CPXCR1: variants seen among roughly 807,000 people sequenced by gnomAD.
CPXCR1 encodes the protein CPX chromosome region candidate 1.
CPXCR1 carries 15 observed loss-of-function variants against 13.8 expected under a neutral mutation model. The observed-to-expected ratio is 1.09, with a 90% CI of 0.73 to 1.67. CPXCR1 has a LOEUF of 1.67. CPXCR1 is among the 40% of genes most tolerant of loss of function. CPXCR1 has a pLI of 0.00. For missense variants in CPXCR1, 247 were observed against 223.6 expected, an observed-to-expected ratio of 1.10 and a Z score of -0.67; for synonymous variants, 70 against 76.7, an observed-to-expected ratio of 0.91 and a Z score of 0.46.
At position 88,754,460 on chromosome X, in the gene CPXCR1, T is replaced by A. The variant is rs1452014144; in HGVS notation, c.*140T>A. 3 of 414,921 alleles carry A rather than the reference T, an allele frequency of 7.2e-6. No homozygotes were observed. The highest frequency in any genetic ancestry group is 4.7e-5 in the Admixed American group (1 of 21,401). 34.2% of individuals were successfully genotyped at this position (414,921 alleles called of 1,213,427 possible). ...GAAAGGAACACAAACTAATAGTACC[T>A]CTCAGTAAGAAATACCTATGGGGAG... is the stretch of plus-strand genomic sequence containing the variant. On this transcript the variant is annotated 3_prime_UTR_variant, in exon 3 of 3. Transcript: ENST00000276127.
intron 2 of CPXCR1, among the ~76,000 whole-genome samples, chrX:88,752,633 G>T (rs766740677): frequency 9.1e-6 from 1 of 109,839 alleles, no homozygotes; most frequent in African/African-American, 3.3e-5. Context: ...TGCAACCTCT[G>T]CCTCCTGGGT....
chrX:88,751,613 T>C (rs1924920532), intron 2 of CPXCR1, among the ~76,000 whole-genome samples: 1 of 111,768 alleles, frequency 8.9e-6, no homozygotes, highest in South Asian at 3.7e-4. Context: ...TGAATATCCT[T>C]GTTAATTTTC....
chrX:88,752,836 C>T (rs996660290), intron 2 of CPXCR1, among the ~76,000 whole-genome samples: 26 of 111,318 alleles, frequency 2.3e-4, no homozygotes, highest in African/African-American at 3.6e-4. Context: ...CATGGGACAC[C>T]GCGCTTGGCC....
Position 88,749,415 on chromosome X carries a change from T to C in CPXCR1, c.-17T>C, listed in dbSNP as rs1334233877. 1.8e-5 allele frequency: 2 copies of C among 111,129 alleles called. No homozygotes were observed. The highest frequency in any genetic ancestry group is 3.8e-5 in the Non-Finnish European group (2 of 53,065). 9.2% of individuals were successfully genotyped at this position (111,129 alleles called of 1,213,427 possible). On this transcript the variant is annotated 5_prime_UTR_variant, in exon 2 of 3. Transcript: ENST00000276127. ...TGAGAAGCAGCCAGTCATACTATCC[T>C]CAAATTTTGTGAGTTCAATTTACTT...
chrX:88,752,131 G>C (rs1602840410), intron 2 of CPXCR1, among the ~76,000 whole-genome samples: 1 of 112,062 alleles, frequency 8.9e-6, no homozygotes. Context: ...AATTTCTCAA[G>C]TTGATTGTTC....
intron 1 of CPXCR1, among the ~76,000 whole-genome samples, chrX:88,748,430 A>G (rs887955208): frequency 9.1e-6 from 1 of 109,818 alleles, no homozygotes; most frequent in Non-Finnish European, 1.9e-5. Flanking sequence ...AAAACAGAAG[A>G]AAACAGCAGA....
intron 2 of CPXCR1, among the ~76,000 whole-genome samples, chrX:88,753,076 A>G (rs1320954576): frequency 9.0e-6 from 1 of 111,516 alleles, no homozygotes; most frequent in Non-Finnish European, 1.9e-5. Flanking sequence ...TCACCATCCA[A>G]AAGGAAATAA....
intron 2 of CPXCR1, 54 bp downstream of exon 2, chrX:88,749,477 T>A (rs929327945): frequency 9.0e-6 from 1 of 110,503 alleles, no homozygotes; most frequent in African/African-American, 3.3e-5. Flanking sequence ...CTCTGTCTAT[T>A]GTTTTACCTT....
intron 1 of CPXCR1, among the ~76,000 whole-genome samples, chrX:88,747,604 A>T (rs5984589): frequency 0.18 from 20,359 of 110,933 alleles, 1,723 homozygotes; most frequent in East Asian, 0.35. Flanking sequence ...AGTAAAACTA[A>T]CAAATTTGAA....
chrX:88,754,327 T>C lies in CPXCR1; in HGVS notation c.*7T>C. The C allele has an allele frequency of 9.8e-7, 1 of 1,022,061 alleles. No individual in the cohort carries two copies. Among genetic ancestry groups the C allele is most frequent in the African/African-American group, 1.9e-5 (1 of 52,657 alleles). The allele number at this position is 1,022,061 out of a possible 1,213,427, so 84.2% of individuals were successfully genotyped here. The stretch of plus-strand genomic sequence containing the variant: ...CAGCTCTTCTGGGAATTAAATTAAA[T>C]TGGGGTAAATTCATTTTAAAATATA... On this transcript the variant is annotated 3_prime_UTR_variant, in exon 3 of 3. Transcript: ENST00000276127.
intron 2 of CPXCR1, among the ~76,000 whole-genome samples, chrX:88,749,984 G>A (rs1285028106): frequency 1.8e-5 from 2 of 109,925 alleles, no homozygotes; most frequent in South Asian, 3.9e-4. Flanking sequence ...GAGCTGAGAC[G>A]ATGGAGTTTT....
chrX:88,747,440 T>C (rs951041406), intron 1 of CPXCR1, 71 bp downstream of exon 1: 3 of 112,554 alleles, frequency 2.7e-5, no homozygotes, highest in African/African-American at 9.7e-5. Context: ...TAGCTTTGGT[T>C]TCTTGATTTA....
Position 88,754,256 on chromosome X carries a change from G to A in CPXCR1, c.842G>A (p.Cys281Tyr). The A allele has an allele frequency of 8.5e-7, 1 of 1,176,113 alleles. No homozygotes were observed. Among genetic ancestry groups the A allele is most frequent in the Non-Finnish European group, 1.1e-6 (1 of 873,652 alleles). ...NNGWKYFCPI[C>Y]GRLFNTYSEL... ...GGTTGGAAATACTTTTGTCCCATCT[G>A]TGGAAGGCTTTTTAACACTTACTCT... The change falls in exon 3 of 3, where the codon TGT (cysteine) becomes TAT (tyrosine). Residue 281 changes from cysteine (C) to tyrosine (Y), a missense_variant. Coordinates refer to ENST00000276127, the MANE Select transcript of CPXCR1 (RefSeq NM_033048.6).
Position 88,754,136 on chromosome X carries a change from A to G in CPXCR1, c.722A>G (p.Gln241Arg). The change falls in exon 3 of 3, where the codon CAG (glutamine) becomes CGG (arginine). Residue 241 changes from glutamine (Q) to arginine (R), a missense_variant. Gln to Arg is a conservative substitution (Grantham distance 43). Coordinates refer to ENST00000276127, the MANE Select transcript of CPXCR1 (RefSeq NM_033048.6). ...GTGAGGTCTGTGCTCTTTGTGTCACAGATACAAATTGAAAGTATTTTTAAT... is the reference window on the plus strand; with the variant it reads ...GTGAGGTCTGTGCTCTTTGTGTCACGGATACAAATTGAAAGTATTTTTAAT... Reference protein sequence around the residue: ...AIVRSVLFVSQIQIESIFNIK... With the variant: ...AIVRSVLFVSRIQIESIFNIK... 1 of 1,198,323 alleles carries G rather than the reference A, an allele frequency of 8.3e-7. No individual in the cohort carries two copies. The highest frequency in any genetic ancestry group is 1.1e-6 in the Non-Finnish European group (1 of 885,090).
chrX:88,753,497 G>A lies in CPXCR1; in HGVS notation c.83G>A (p.Ser28Asn). 1.7e-6 allele frequency: 2 copies of A among 1,195,716 alleles called. No individual in the cohort carries two copies. Among genetic ancestry groups the A allele is most frequent in the Non-Finnish European group, 2.3e-6 (2 of 884,161 alleles). ...GAAAATGAGCCTCCTAATGACTGTA[G>A]TACAGACATAGAGTCTCCATCTGCT... The part of the protein sequence containing the change: ...NSENEPPNDC[S>N]TDIESPSADP... Residue 28 changes from serine (S) to asparagine (N), a missense_variant, in exon 3 of 3, where the codon AGT becomes AAT. Ser to Asn is a conservative substitution (Grantham distance 46). Coordinates refer to ENST00000276127, the MANE Select transcript of CPXCR1 (RefSeq NM_033048.6).
At chrX:88,748,589 G>T (rs941979071) in intron 1 of CPXCR1, among the ~76,000 whole-genome samples, 2 of 110,629 alleles carry the variant, frequency 1.8e-5, no homozygotes, top group African/African-American at 6.5e-5. Flanking sequence ...TAGCCTTCTT[G>T]TGCAATTCCA....
At chrX:88,752,867 G>A (rs1466352749) in intron 2 of CPXCR1, among the ~76,000 whole-genome samples, 1 of 111,448 alleles carries the variant, frequency 9.0e-6, no homozygotes, top group African/African-American at 3.3e-5. Context: ...TTTTAAAAAC[G>A]TAGGTTTTTA....
At chrX:88,752,046 A>G (rs1273435313) in intron 2 of CPXCR1, among the ~76,000 whole-genome samples, 2 of 112,153 alleles carry the variant, frequency 1.8e-5, no homozygotes, top group African/African-American at 6.5e-5. Context: ...ATTTCTTTTC[A>G]GCCCACTTGC....
Position 88,753,448 on chromosome X carries a change from G to A in CPXCR1, c.34G>A (p.Ala12Thr), listed in dbSNP as rs1049766844. The A allele has an allele frequency of 1.7e-6, 2 of 1,153,861 alleles. No individual in the cohort carries two copies. Among genetic ancestry groups the A allele is most frequent in the Non-Finnish European group, 2.3e-6 (2 of 866,449 alleles). The part of the protein sequence containing the change: ...SYPTKEGSDT[A>T]GNAHKNSENE... ...TCCTACTAAAGAAGGAAGTGATACA[G>A]CTGGAAATGCTCACAAAAATTCTGA... The change falls in exon 3 of 3, where the codon GCT (alanine) becomes ACT (threonine). Residue 12 changes from alanine to threonine, a missense_variant. Ala to Thr is a moderately conservative substitution (Grantham distance 58, BLOSUM62 0). Coordinates refer to ENST00000276127, the MANE Select transcript of CPXCR1 (RefSeq NM_033048.6).
Sources: gnomAD v4.1 joint callset for allele counts (sites outside exome capture counted in the v4.1 genomes callset) on GRCh38, gnomAD v4.1.1 for gene constraint, MANE v1.5 for transcripts, NCBI Gene and HGNC (gene_info 2026-07-23, HGNC 2026-07-21) for gene names.